Variants in ITGA9 observed in about 807,000 individuals in gnomAD.
ITGA9 encodes the protein integrin alpha-9.
Under a neutral mutation model 127.8 loss-of-function variants are expected in ITGA9, and 56 were observed. That is an observed-to-expected ratio of 0.44 (90% CI 0.35 to 0.55). The LOEUF (loss-of-function observed/expected upper bound fraction) is 0.55. ITGA9 is among the 20% of genes least tolerant of loss of function. The pLI is 0.00. For missense variants in ITGA9, 1,196 were observed against 1,347.1 expected, an observed-to-expected ratio of 0.89 and a Z score of 1.76; for synonymous variants, 508 against 514.5, an observed-to-expected ratio of 0.99 and a Z score of 0.17.
chr3:37,505,596 G>T (rs548262435), intron 6 of ITGA9, among the ~76,000 whole-genome samples: 1 of 152,278 alleles, frequency 6.6e-6, no homozygotes, highest in East Asian at 1.9e-4. Context: ...ACCCTCTGGG[G>T]TTATGGTTCT....
intron 3 of ITGA9, among the ~76,000 whole-genome samples, chr3:37,479,484 T>A (rs1332459109): frequency 6.6e-6 from 1 of 152,176 alleles, no homozygotes; most frequent in Non-Finnish European, 1.5e-5. Context: ...TTGGTGGCAG[T>A]GGCTTGAAGG....
chr3:37,487,845 T>C (rs890398102), intron 4 of ITGA9, among the ~76,000 whole-genome samples: 2 of 152,212 alleles, frequency 1.3e-5, no homozygotes, highest in Non-Finnish European at 2.9e-5. Context: ...ATATTTTTTT[T>C]CAATGGCATA....
intron 23 of ITGA9, among the ~76,000 whole-genome samples, chr3:37,758,113 G>A (rs542507623): frequency 1.3e-5 from 2 of 150,670 alleles, no homozygotes; most frequent in East Asian, 3.9e-4. Flanking sequence ...CATGAGGTCA[G>A]GAGATCGAGA....
chr3:37,553,294 G>C (rs1410863060), intron 15 of ITGA9, among the ~76,000 whole-genome samples: 1 of 152,162 alleles, frequency 6.6e-6, no homozygotes, highest in Admixed American at 6.5e-5. Flanking sequence ...ATACATTACT[G>C]TTAGCTTATC....
chr3:37,713,150 C>T (rs1701097012), intron 18 of ITGA9, among the ~76,000 whole-genome samples: 2 of 152,176 alleles, frequency 1.3e-5, no homozygotes, highest in South Asian at 2.1e-4. Flanking sequence ...CAACTGAAGA[C>T]AGTGGCGTGG....
intron 27 of ITGA9, among the ~76,000 whole-genome samples, chr3:37,810,887 G>A (rs1029990365): frequency 6.6e-6 from 1 of 152,376 alleles, no homozygotes; most frequent in African/African-American, 2.4e-5. Context: ...GTCAGCAAGT[G>A]TCTTTTCCAG....
intron 12 of ITGA9, 49 bp downstream of exon 12, chr3:37,523,660 A>G: frequency 7.9e-7 from 1 of 1,267,404 alleles, no homozygotes. Flanking sequence ...AGATAAATGC[A>G]TGAAGTAGAA....
chr3:37,498,289 T>C (rs1442542818), intron 5 of ITGA9, among the ~76,000 whole-genome samples: 2 of 152,068 alleles, frequency 1.3e-5, no homozygotes. Flanking sequence ...TGAGTGTGCT[T>C]AGTGTAGGGC....
intron 18 of ITGA9, among the ~76,000 whole-genome samples, chr3:37,710,014 C>T (rs1701060573): frequency 6.6e-6 from 1 of 152,170 alleles, no homozygotes; most frequent in Non-Finnish European, 1.5e-5. Context: ...AAGACTCTGG[C>T]TGACTCCTTG....
intron 15 of ITGA9, among the ~76,000 whole-genome samples, chr3:37,549,482 T>G (rs1044958755): frequency 1.3e-5 from 2 of 152,226 alleles, no homozygotes; most frequent in African/African-American, 4.8e-5. Context: ...GCAATTGCTA[T>G]GGGTAAAATT....
chr3:37,549,538 T>C (rs1301243455), intron 15 of ITGA9, among the ~76,000 whole-genome samples: 1 of 152,252 alleles, frequency 6.6e-6, no homozygotes, highest in Non-Finnish European at 1.5e-5. Flanking sequence ...TCATTTACAC[T>C]GGGTTCATCT....
Position 37,506,083 on chromosome 3 carries a change from A to G in ITGA9, c.826A>G (p.Lys276Glu). Reference protein sequence around the residue: ...GGAPQDKGIGKVYIFRADRRS... With the variant: ...GGAPQDKGIGEVYIFRADRRS... ...TGCCCCACAGGACAAAGGCATCGGCAAGGTGAGGAGAAACATCTGTGGAAT... is the reference window on the plus strand; with the variant it reads ...TGCCCCACAGGACAAAGGCATCGGCGAGGTGAGGAGAAACATCTGTGGAAT... The change falls in exon 7 of 28, where the codon AAG (lysine) becomes GAG (glutamate). Residue 276 changes from lysine to glutamate, a missense_variant and splice_region_variant. By Grantham distance (56) the Lys-to-Glu change is moderately conservative (BLOSUM62 1). Transcript: ENST00000264741. 6.2e-7 allele frequency: 1 copy of G among 1,604,200 alleles called. No homozygotes were observed.
rs769078260 is a variant in ITGA9, at chr3:37,629,330, G to A, written c.1833G>A (p.Lys611=). 3.7e-5 allele frequency: 59 copies of A among 1,613,952 alleles called. No homozygotes were observed. The South Asian group carries it at 6.4e-4, about 17-fold the overall frequency. The change falls in exon 16 of 28, where the codon AAG becomes AAA. Residue 611 remains lysine, a synonymous_variant. Transcript: ENST00000264741. This position sits in a 1 kb window ranked among gnomAD's most constrained non-coding sequence, Gnocchi z 4.5. ...RWKKGQKIAQ[K]NQTVFERNCR... ...AAAAGGGACAAAAGATTGCCCAAAAGAATCAGGTCAGAACCTTAAAGCTCA... is the reference window on the plus strand; with the variant it reads ...AAAAGGGACAAAAGATTGCCCAAAAAAATCAGGTCAGAACCTTAAAGCTCA...
intron 10 of ITGA9, among the ~76,000 whole-genome samples, chr3:37,518,212 G>C (rs1699006985): frequency 6.6e-6 from 1 of 151,904 alleles, no homozygotes; most frequent in Admixed American, 6.6e-5. Flanking sequence ...TCTCTGGCTT[G>C]TTTGAGCCTC....
intron 18 of ITGA9, among the ~76,000 whole-genome samples, chr3:37,728,820 G>A (rs1298530141): frequency 6.6e-6 from 1 of 151,680 alleles, no homozygotes; most frequent in Non-Finnish European, 1.5e-5. Context: ...CACCCGAGAT[G>A]GACTCTCATG....
intron 27 of ITGA9, among the ~76,000 whole-genome samples, chr3:37,818,126 G>T (rs2125569231): frequency 8.0e-6 from 1 of 124,322 alleles, no homozygotes; most frequent in African/African-American, 3.1e-5. Flanking sequence ...CAGGTCCCTG[G>T]TTTTTTTCCC....
At chr3:37,617,569 G>T (rs1271719625) in intron 15 of ITGA9, among the ~76,000 whole-genome samples, 2 of 152,166 alleles carry the variant, frequency 1.3e-5, no homozygotes, top group Non-Finnish European at 2.9e-5. Context: ...TTCCAACTTG[G>T]TTCCATTTTC....
intron 1 of ITGA9, among the ~76,000 whole-genome samples, chr3:37,463,859 A>C (rs991879177): frequency 2.0e-5 from 3 of 152,200 alleles, no homozygotes; most frequent in Non-Finnish European, 2.9e-5. Flanking sequence ...ATTAACCTAA[A>C]TAGCAAACAC....
intron 15 of ITGA9, among the ~76,000 whole-genome samples, chr3:37,598,744 T>G (rs2125619371): frequency 6.6e-6 from 1 of 152,180 alleles, no homozygotes; most frequent in South Asian, 2.1e-4. Flanking sequence ...CAACCAAAGG[T>G]GGTTCATAAT....
Sources: allele counts gnomAD v4.1 joint callset (sites outside exome capture counted in the v4.1 genomes callset), GRCh38; gene constraint gnomAD v4.1.1; non-coding constraint Gnocchi (gnomAD v3.1); transcripts MANE v1.5; gene names NCBI Gene and HGNC (gene_info 2026-07-23, HGNC 2026-07-21).